The following DOCK4 variants were observed in gnomAD, a reference collection of about 807,000 sequenced individuals.
DOCK4 encodes the protein dedicator of cytokinesis 4.
A neutral mutation model predicts 268.1 loss-of-function variants in DOCK4; 97 were observed. The observed-to-expected ratio is 0.36, with a 90% CI of 0.31 to 0.43. DOCK4 has a LOEUF of 0.43. DOCK4 is among the 20% of genes least tolerant of loss of function. The pLI, the probability that DOCK4 is intolerant of heterozygous loss-of-function variation, is 1.00. For missense variants in DOCK4, 2,145 were observed against 2,455.7 expected (o/e 0.87, Z 2.67); for synonymous variants, 954 against 887.2 (o/e 1.08, Z -1.34).
In DOCK4 at chr7:111,924,073, G is replaced by A. The variant is rs370247937; in HGVS notation, c.1067-8169C>T. 2.6e-5 allele frequency among the ~76,000 whole-genome samples: 4 copies of A among 152,106 alleles called. No individual in the cohort carries two copies. In the East Asian group the frequency reaches 7.7e-4, roughly 29 times the overall value. ...TATACTCAATATTCTTTTGATGTAT[G>A]GGTTTAAAAATCTCGTTCCATTTTT... On this transcript the variant is annotated intron_variant, in intron 12 of 52. Transcript: ENST00000428084.
In DOCK4 at chr7:112,010,729, C is replaced by T. The variant is rs140404649; in HGVS notation, c.38-6598G>A. Among the ~76,000 whole-genome samples the T allele has an allele frequency of 1.6e-3, 237 of 152,312 alleles. No homozygotes were observed. The Middle Eastern group carries it at 0.017, about 11-fold the overall frequency. ...GACTGCATTCTTATGCCAGTTATCA[C>T]GGTCAGCCTTTGAGACATGTCACGC... On this transcript the variant is annotated intron_variant, in intron 1 of 52. Coordinates refer to ENST00000428084, the MANE Select transcript of DOCK4 (RefSeq NM_001363540.2).
At chr7:112,071,561 T>C (rs1210210675) in intron 1 of DOCK4, among the ~76,000 whole-genome samples, 1 of 152,214 alleles carries the variant, frequency 6.6e-6, no homozygotes, top group Non-Finnish European at 1.5e-5. Flanking sequence ...AAAGTCCTAT[T>C]ATTACTCGAA....
chr7:111,931,430 G>C (rs1794193098), intron 12 of DOCK4, among the ~76,000 whole-genome samples: 1 of 152,132 alleles, frequency 6.6e-6, no homozygotes, highest in Admixed American at 6.5e-5. Context: ...TAAGAATAAG[G>C]AGCTAGTAAA....
chr7:111,925,972 G>A (rs1325067385), intron 12 of DOCK4, among the ~76,000 whole-genome samples: 1 of 147,950 alleles, frequency 6.8e-6, no homozygotes, highest in African/African-American at 2.6e-5. Context: ...CGTGTCGCCT[G>A]TAGTTCCAGC....
intron 1 of DOCK4, among the ~76,000 whole-genome samples, chr7:112,019,416 T>C (rs2040662): frequency 0.066 from 9,987 of 152,266 alleles, 591 homozygotes; most frequent in East Asian, 0.23. Context: ...TTGTTATTAC[T>C]AACAAATAGT....
chr7:112,136,783 T>C (rs1814394449), intron 1 of DOCK4, among the ~76,000 whole-genome samples: 1 of 152,100 alleles, frequency 6.6e-6, no homozygotes, highest in Non-Finnish European at 1.5e-5. Flanking sequence ...CAGAGACTGA[T>C]GGATAATTTG....
chr7:111,870,478 C>T (rs1023137088), intron 20 of DOCK4, among the ~76,000 whole-genome samples: 1 of 151,924 alleles, frequency 6.6e-6, no homozygotes, highest in Non-Finnish European at 1.5e-5. Context: ...TGCACCACCA[C>T]GCCCAGCTAA....
At chr7:112,015,926 C>A (rs932135053) in intron 1 of DOCK4, among the ~76,000 whole-genome samples, 6 of 152,172 alleles carry the variant, frequency 3.9e-5, no homozygotes. Flanking sequence ...TTGAATAGGG[C>A]CTTAATCCCA....
intron 1 of DOCK4, among the ~76,000 whole-genome samples, chr7:112,117,415 G>A (rs1812280148): frequency 1.3e-5 from 2 of 151,878 alleles, no homozygotes; most frequent in African/African-American, 4.8e-5. Flanking sequence ...TTGTTGCCTA[G>A]GCTGGGGTGC....
chr7:111,812,069 T>C (rs12113522), intron 27 of DOCK4, 120 bp from the exon 28 acceptor site: 14,872 of 524,582 alleles, frequency 0.028, 1,799 homozygotes, highest in African/African-American at 0.26. Flanking sequence ...TGGAGCAATA[T>C]TAAATAATTC....
At chr7:112,180,386 T>C (rs905867845) in intron 1 of DOCK4, among the ~76,000 whole-genome samples, 2 of 152,144 alleles carry the variant, frequency 1.3e-5, no homozygotes, top group African/African-American at 4.8e-5. Context: ...CAGACAACTT[T>C]TACCCCGACA....
intron 42 of DOCK4, among the ~76,000 whole-genome samples, chr7:111,750,818 A>C (rs1308863397): frequency 6.6e-6 from 1 of 152,202 alleles, no homozygotes; most frequent in Non-Finnish European, 1.5e-5. Flanking sequence ...AAGATGGAAC[A>C]TTTTTAAATT....
chr7:112,020,049 T>C (rs926100540), intron 1 of DOCK4, among the ~76,000 whole-genome samples: 1 of 152,192 alleles, frequency 6.6e-6, no homozygotes, highest in Non-Finnish European at 1.5e-5. Flanking sequence ...CTACATTGTG[T>C]TTGAAGCTGT....
chr7:111,884,376 A>G (rs866451423), intron 16 of DOCK4, among the ~76,000 whole-genome samples: 41 of 152,348 alleles, frequency 2.7e-4, no homozygotes, highest in African/African-American at 8.7e-4. Context: ...ATTAGAAAGT[A>G]TCACAGTCAG....
chr7:112,205,765 C>G (rs1000473888), intron 1 of DOCK4, among the ~76,000 whole-genome samples: 9 of 144,398 alleles, frequency 6.2e-5, no homozygotes, highest in African/African-American at 2.2e-4. Flanking sequence ...GCCTCCTCTT[C>G]CAACTTGACA....
intron 8 of DOCK4, among the ~76,000 whole-genome samples, chr7:111,946,606 GA>G (rs1233039880): frequency 2.6e-5 from 4 of 152,178 alleles, no homozygotes; most frequent in Non-Finnish European, 5.9e-5. Context: ...TTTTGAGACA[GA>G]GTCTTGCTCT....
chr7:111,993,165 T>C (rs565167821), intron 5 of DOCK4, among the ~76,000 whole-genome samples: 2 of 152,372 alleles, frequency 1.3e-5, no homozygotes, highest in African/African-American at 4.8e-5. Flanking sequence ...TGAAATATCC[T>C]ATTGCATTTC....
chr7:112,132,582 T>C (rs1310658066), intron 1 of DOCK4, among the ~76,000 whole-genome samples: 1 of 148,636 alleles, frequency 6.7e-6, no homozygotes. Flanking sequence ...CAGGCATGCA[T>C]ACACACAAGC....
chr7:111,802,559 G>GAATAGTTCTCA (rs1800381279), intron 30 of DOCK4, among the ~76,000 whole-genome samples: 3 of 152,178 alleles, frequency 2.0e-5, no homozygotes, highest in South Asian at 4.1e-4. Context: ...GCCTGAGCTG[G>GAATAGTTCTCA]TAGATGAGAT....
Sources: gnomAD v4.1 joint callset for allele counts (sites outside exome capture counted in the v4.1 genomes callset) on GRCh38, gnomAD v4.1.1 for gene constraint, MANE v1.5 for transcripts, NCBI Gene and HGNC (gene_info 2026-07-23, HGNC 2026-07-21) for gene names.